Variants in MACROH2A1 observed in about 807,000 individuals in gnomAD.
The protein encoded by MACROH2A1 is core histone macro-H2A.1.
MACROH2A1 carries 2 observed loss-of-function variants against 31.6 expected under a neutral mutation model. That is an observed-to-expected ratio of 0.06 (90% CI 0.03 to 0.20). MACROH2A1 has a LOEUF of 0.20. MACROH2A1 is among the 10% of genes least tolerant of loss of function. MACROH2A1 has a pLI of 1.00. For missense variants in MACROH2A1, 230 were observed against 474.0 expected (o/e 0.49, Z 4.78); for synonymous variants, 169 against 189.6 (o/e 0.89, Z 0.89).
At chr5:135,360,797 G>A (rs1371033199) in intron 4 of MACROH2A1, 190 bp from the exon 5 acceptor site, 3 of 694,948 alleles carry the variant, frequency 4.3e-6, no homozygotes, top group African/African-American at 1.7e-5. Context: ...AGTGTGTTAA[G>A]TTATATGTTA....
chr5:135,346,228 G>T, intron 6 of MACROH2A1, 171 bp from the exon 7 acceptor site: 1 of 606,586 alleles, frequency 1.6e-6, no homozygotes, highest in Non-Finnish European at 3.0e-6. Flanking sequence ...GAAGGGCTTT[G>T]TCATCACCAG....
chr5:135,348,755 C>A (rs1195217908), intron 6 of MACROH2A1, among the ~76,000 whole-genome samples: 1 of 152,250 alleles, frequency 6.6e-6, no homozygotes, highest in East Asian at 1.9e-4. Context: ...GGGTTCTGAC[C>A]TGGCAGTCTT....
At chr5:135,365,326 TG>T (rs1391317419) in intron 4 of MACROH2A1, among the ~76,000 whole-genome samples, 9 of 151,410 alleles carry the variant, frequency 5.9e-5, no homozygotes, top group Non-Finnish European at 1.5e-5. Context: ...CAGGCCTACT[TG>T]CCATTCCTCT....
chr5:135,341,467 C>A (rs1001834904), intron 8 of MACROH2A1, among the ~76,000 whole-genome samples: 22 of 152,238 alleles, frequency 1.4e-4, no homozygotes, highest in African/African-American at 5.3e-4. Flanking sequence ...GGCAGTGATA[C>A]AGGCTCCAGA....
At chr5:135,354,766 C>T (rs1450520869) in intron 5 of MACROH2A1, 1 of 311,466 alleles carries the variant, frequency 3.2e-6, no homozygotes, top group Non-Finnish European at 6.2e-6. Flanking sequence ...TAGAACAAGG[C>T]AAAGGATTTT....
At chr5:135,357,971 T>C in intron 5 of MACROH2A1, 1 of 985,366 alleles carries the variant, frequency 1.0e-6, no homozygotes, top group African/African-American at 1.7e-5. Flanking sequence ...CTTCAAGCAC[T>C]GGTTTCAGTG....
chr5:135,394,010 C>A (rs1767613092), intron 1 of MACROH2A1, among the ~76,000 whole-genome samples: 1 of 152,144 alleles, frequency 6.6e-6, no homozygotes, highest in African/African-American at 2.4e-5. Context: ...GCAGTCAGTT[C>A]TTTTAGCACA....
At chr5:135,335,972 T>C (rs1365929878) in intron 8 of MACROH2A1, among the ~76,000 whole-genome samples, 1 of 152,144 alleles carries the variant, frequency 6.6e-6, no homozygotes, top group African/African-American at 2.4e-5. Flanking sequence ...TCACATCCCT[T>C]ACTGGTCCCA....
chr5:135,357,858 G>C, intron 5 of MACROH2A1: 1 of 985,136 alleles, frequency 1.0e-6, no homozygotes, highest in Non-Finnish European at 1.2e-6. Flanking sequence ...CAATGGTCAG[G>C]CTCCTAAGCC....
intron 2 of MACROH2A1, among the ~76,000 whole-genome samples, chr5:135,377,364 C>T (rs1488029711): frequency 6.6e-6 from 1 of 152,202 alleles, no homozygotes; most frequent in Non-Finnish European, 1.5e-5. Flanking sequence ...AAAACCACAG[C>T]CATTTGTTCT....
chr5:135,379,652 A>G (rs1581308763), intron 2 of MACROH2A1, among the ~76,000 whole-genome samples: 5 of 152,300 alleles, frequency 3.3e-5, no homozygotes, highest in East Asian at 1.9e-4. Flanking sequence ...AACACTGTAA[A>G]TATGTTCTAT....
At chr5:135,375,969 G>A (rs1764810388) in intron 2 of MACROH2A1, among the ~76,000 whole-genome samples, 1 of 152,112 alleles carries the variant, frequency 6.6e-6, no homozygotes, top group South Asian at 2.1e-4. Context: ...TTCCCTTGGT[G>A]GCTCTGAGTG....
At chr5:135,335,507 C>T (rs1758500185) in intron 8 of MACROH2A1, among the ~76,000 whole-genome samples, 1 of 152,168 alleles carries the variant, frequency 6.6e-6, no homozygotes, top group Admixed American at 6.5e-5. Context: ...GAGCCATAGC[C>T]CAGGCTCTTG....
chr5:135,336,883 T>G (rs1763541916), intron 8 of MACROH2A1, among the ~76,000 whole-genome samples: 1 of 152,142 alleles, frequency 6.6e-6, no homozygotes, highest in African/African-American at 2.4e-5. Flanking sequence ...CTTCCATTTT[T>G]GGGGGGCATC....
At chr5:135,343,582 C>G in intron 7 of MACROH2A1, 148 bp from the exon 8 acceptor site, 1 of 1,241,052 alleles carries the variant, frequency 8.1e-7, no homozygotes, top group Non-Finnish European at 1.1e-6. Flanking sequence ...CTGTCTGCTG[C>G]GTTGTGATTC....
chr5:135,335,075 A>G lies in MACROH2A1; in HGVS notation c.1020T>C (p.Ser340=), dbSNP rs3210047. Residue 340 remains serine (S), a synonymous_variant, in exon 9 of 9, where the codon TCT becomes TCC. Transcript: ENST00000511689. The part of the protein sequence containing the change: ...ILKAISSYFV[S]TMSSSIKTVY... ...CCGTTTTGATGGAAGAGGACATTGT[A>G]GACACGAAGTAACTGGAGATGGCCT... The G allele has an allele frequency of 0.078, 125,045 of 1,611,884 alleles. 6,599 individuals are homozygous for G. Among genetic ancestry groups the G allele is most frequent in the African/African-American group, 0.27 (20,135 of 74,942 alleles).
chr5:135,395,824 AG>A (rs1767893195), intron 1 of MACROH2A1, among the ~76,000 whole-genome samples: 2 of 152,232 alleles, frequency 1.3e-5, no homozygotes, highest in Non-Finnish European at 2.9e-5. Context: ...AAAGTGAGCC[AG>A]ATGATTAAAG....
chr5:135,381,821 A>G (rs1006590822), intron 2 of MACROH2A1, among the ~76,000 whole-genome samples: 17 of 152,256 alleles, frequency 1.1e-4, no homozygotes, highest in African/African-American at 4.1e-4. Flanking sequence ...AATTAACAAC[A>G]TGACTGAGAT....
At chr5:135,343,468 C>T (rs1257933884) in intron 7 of MACROH2A1, 34 bp from the exon 8 acceptor site, 5 of 1,609,110 alleles carry the variant, frequency 3.1e-6, no homozygotes, top group Admixed American at 1.7e-5. Context: ...AAACAGTGAG[C>T]TCTGGTTCAC....
Sources: allele counts gnomAD v4.1 joint callset (sites outside exome capture counted in the v4.1 genomes callset), GRCh38; gene constraint gnomAD v4.1.1; transcripts MANE v1.5; gene names NCBI Gene and HGNC (gene_info 2026-07-23, HGNC 2026-07-21).